The following DTNBP1 variants were observed in gnomAD, a reference collection of about 807,000 sequenced individuals.
DTNBP1 encodes the protein dystrobrevin binding protein 1, also known as dysbindin.
Under a neutral mutation model 42.8 loss-of-function variants are expected in DTNBP1, and 35 were observed. The observed-to-expected ratio is 0.82, with a 90% CI of 0.63 to 1.09. The LOEUF (loss-of-function observed/expected upper bound fraction) is 1.09, where lower values mean the gene tolerates loss of function less well. Among genes scored for constraint, DTNBP1 ranks in the 50% least tolerant of loss-of-function variants. The pLI is 0.00. For synonymous variants in DTNBP1, 171 were observed against 162.2 expected, an observed-to-expected ratio of 1.05 and a Z score of -0.41; for missense variants, 457 against 424.2, an observed-to-expected ratio of 1.08 and a Z score of -0.68.
chr6:15,607,657 C>A (rs1758154004), intron 6 of DTNBP1, among the ~76,000 whole-genome samples: 1 of 152,174 alleles, frequency 6.6e-6, no homozygotes, highest in South Asian at 2.1e-4. Flanking sequence ...ATGCACACTG[C>A]AAAGCTCCGT....
chr6:15,598,644 T>C (rs947238055), intron 6 of DTNBP1, among the ~76,000 whole-genome samples: 1 of 150,434 alleles, frequency 6.6e-6, no homozygotes, highest in Non-Finnish European at 1.5e-5. Flanking sequence ...AGGTCTGTTG[T>C]TTTCCGGCAG....
rs1760971875 is a variant in DTNBP1 at position 15,651,201 on chromosome 6, C to A, written c.161+112G>T. The A allele has an allele frequency of 7.5e-6, 7 of 936,408 alleles. No homozygotes were observed. In the East Asian group the frequency reaches 1.7e-4, roughly 23 times the overall value. 58.0% of individuals were successfully genotyped at this position (936,408 alleles called of 1,614,324 possible). A position where few individuals can be genotyped will look rare whatever the true frequency, so the allele number is the denominator to read the frequency against. On this transcript the variant is annotated intron_variant, in intron 3 of 9. Transcript: ENST00000344537. ...ATACATAAATAATTTCCAATCACTG[C>A]ATTAAGATAAAATTTAGCTGTTTTA...
At chr6:15,554,914 C>A (rs908555978) in intron 7 of DTNBP1, among the ~76,000 whole-genome samples, 5 of 151,868 alleles carry the variant, frequency 3.3e-5, no homozygotes, top group Admixed American at 3.3e-4. Flanking sequence ...GTCAGTTATG[C>A]GAAAACCGCA....
At chr6:15,593,234 C>G (rs1776372361) in intron 6 of DTNBP1, among the ~76,000 whole-genome samples, 153 bp from the exon 7 acceptor site, 1 of 152,138 alleles carries the variant, frequency 6.6e-6, no homozygotes, top group Non-Finnish European at 1.5e-5. Flanking sequence ...ACTGAAATGA[C>G]CAGTACAATG....
chr6:15,597,299 G>C (rs188371698), intron 6 of DTNBP1, among the ~76,000 whole-genome samples: 26 of 152,308 alleles, frequency 1.7e-4, no homozygotes, highest in Admixed American at 3.9e-4. Context: ...TGGTAGGAAA[G>C]GCCTCCTGGA....
chr6:15,529,583 T>C (rs1366563701), intron 8 of DTNBP1, among the ~76,000 whole-genome samples: 1 of 152,180 alleles, frequency 6.6e-6, no homozygotes, highest in African/African-American at 2.4e-5. Context: ...GATCAATCCC[T>C]CTGGAAGCAG....
intron 7 of DTNBP1, among the ~76,000 whole-genome samples, chr6:15,564,203 G>C (rs558675746): frequency 6.6e-6 from 1 of 151,954 alleles, no homozygotes; most frequent in Admixed American, 6.6e-5. Context: ...ATATTGACTT[G>C]CCATGTGCAT....
chr6:15,534,463 C>T (rs1354786794), intron 7 of DTNBP1, among the ~76,000 whole-genome samples: 1 of 152,134 alleles, frequency 6.6e-6, no homozygotes, highest in East Asian at 1.9e-4. Context: ...ACCAGCCTGG[C>T]CAATATGGTA....
chr6:15,549,399 C>T (rs1561952187), intron 7 of DTNBP1, among the ~76,000 whole-genome samples: 3 of 148,346 alleles, frequency 2.0e-5, no homozygotes, highest in Non-Finnish European at 4.4e-5. Context: ...ACAGGTGAGT[C>T]GCTTGAACCC....
At chr6:15,613,372 T>C (rs1201209159) in intron 6 of DTNBP1, among the ~76,000 whole-genome samples, 4 of 126,616 alleles carry the variant, frequency 3.2e-5, no homozygotes, top group African/African-American at 5.8e-5. Flanking sequence ...TTTTTTTTTT[T>C]TTTTTTTTTT....
At chr6:15,626,506 TAA>T (rs899359525) in intron 5 of DTNBP1, among the ~76,000 whole-genome samples, 1 of 152,128 alleles carries the variant, frequency 6.6e-6, no homozygotes, top group African/African-American at 2.4e-5. Flanking sequence ...CCTAAAAGAC[TAA>T]AACAGGTTAT....
intron 5 of DTNBP1, among the ~76,000 whole-genome samples, 180 bp downstream of exon 5, chr6:15,627,163 T>C (rs1404745170): frequency 3.3e-5 from 5 of 152,204 alleles, no homozygotes; most frequent in Non-Finnish European, 7.3e-5. Context: ...AACTAATTTC[T>C]ACACTTTACA....
At chr6:15,529,346 A>G (rs1292778638) in intron 8 of DTNBP1, among the ~76,000 whole-genome samples, 2 of 152,190 alleles carry the variant, frequency 1.3e-5, no homozygotes, top group African/African-American at 4.8e-5. Context: ...AACACCCATC[A>G]ATACATCAAT....
intron 8 of DTNBP1, among the ~76,000 whole-genome samples, chr6:15,529,728 A>T (rs1317889016): frequency 6.6e-6 from 1 of 152,276 alleles, no homozygotes; most frequent in Non-Finnish European, 1.5e-5. Flanking sequence ...TTTATTAATA[A>T]GTAACTGCAG....
intron 7 of DTNBP1, among the ~76,000 whole-genome samples, chr6:15,553,454 T>C (rs1301550400): frequency 6.6e-6 from 1 of 151,824 alleles, no homozygotes; most frequent in Non-Finnish European, 1.5e-5. Flanking sequence ...AGATGGTAAG[T>C]GGTAAGTGAC....
At chr6:15,617,380 C>T (rs551861824) in intron 5 of DTNBP1, among the ~76,000 whole-genome samples, 2 of 152,064 alleles carry the variant, frequency 1.3e-5, no homozygotes, top group East Asian at 3.9e-4. Context: ...TTCTAAAACT[C>T]ATATGGAATC....
intron 9 of DTNBP1, chr6:15,523,583 TGC>T: frequency 7.8e-7 from 1 of 1,279,362 alleles, no homozygotes; most frequent in Admixed American, 2.4e-5. Context: ...TTTTACCCTT[TGC>T]AGTAATTCAG....
chr6:15,581,756 G>A (rs1380756470), intron 7 of DTNBP1, among the ~76,000 whole-genome samples: 1 of 152,224 alleles, frequency 6.6e-6, no homozygotes, highest in African/African-American at 2.4e-5. Context: ...TGGGATTACA[G>A]GCATGAGCCA....
intron 7 of DTNBP1, among the ~76,000 whole-genome samples, chr6:15,541,346 T>A (rs1466498303): frequency 6.6e-6 from 1 of 151,838 alleles, no homozygotes; most frequent in Non-Finnish European, 1.5e-5. Context: ...GAAGGAAAAA[T>A]TTCAAATCTA....
Sources: gnomAD v4.1 joint callset for allele counts (sites outside exome capture counted in the v4.1 genomes callset) on GRCh38, gnomAD v4.1.1 for gene constraint, MANE v1.5 for transcripts, NCBI Gene and HGNC (gene_info 2026-07-23, HGNC 2026-07-21) for gene names.